Variants in HSD17B14 observed in about 807,000 individuals in gnomAD.
HSD17B14 encodes the protein hydroxysteroid 17-beta dehydrogenase 14.
In HSD17B14, 32 loss-of-function variants were observed where a neutral mutation model predicts 32.2. The ratio of observed to expected loss-of-function variants is 0.99; its 90% CI spans 0.75 to 1.33. The LOEUF (loss-of-function observed/expected upper bound fraction) is 1.33, where lower values mean the gene tolerates loss of function less well. Among genes scored for constraint, HSD17B14 ranks in the 40% most tolerant of loss-of-function variants. The pLI is 0.00. For synonymous variants in HSD17B14, 140 were observed against 155.4 expected, an observed-to-expected ratio of 0.90 and a Z score of 0.74; for missense variants, 370 against 366.5, an observed-to-expected ratio of 1.01 and a Z score of -0.08.
At chr19:48,833,999 C>G (rs1046895686) in intron 3 of HSD17B14, among the ~76,000 whole-genome samples, 3 of 152,084 alleles carry the variant, frequency 2.0e-5, no homozygotes, top group Non-Finnish European at 4.4e-5. Flanking sequence ...ACAGAAAAAT[C>G]AGTTCCAGTT....
intron 5 of HSD17B14, among the ~76,000 whole-genome samples, chr19:48,829,465 C>T (rs1207786598): frequency 6.6e-6 from 1 of 151,872 alleles, no homozygotes; most frequent in Non-Finnish European, 1.5e-5. Flanking sequence ...AATTCTACCG[C>T]CTCAGCCTCT....
At chr19:48,826,542 T>TATATATACACACACACACACACAC in intron 5 of HSD17B14, among the ~76,000 whole-genome samples, 2 of 80,110 alleles carry the variant, frequency 2.5e-5, no homozygotes, top group African/African-American at 1.0e-4. Context: ...TATATATATA[T>TATATATACACACACACACACACAC]ACACACACAC....
At chr19:48,827,859 CTTTTTTTTTTTTT>C (rs1886162935) in intron 5 of HSD17B14, among the ~76,000 whole-genome samples, 5 of 128,462 alleles carry the variant, frequency 3.9e-5, no homozygotes, top group Admixed American at 7.9e-5. Flanking sequence ...TTTTTTTTTT[CTTTTTTTTTTTTT>C]GAGACGGAGT....
rs772756529 is a variant in HSD17B14 at position 48,831,761 on chromosome 19, T to TA, written c.278-3dup. The TA allele has an allele frequency of 5.7e-6, 9 of 1,581,880 alleles. No homozygotes were observed. The highest frequency in any genetic ancestry group is 6.1e-6 in the Non-Finnish European group (7 of 1,155,270). ...CCTCAGGCCTCTGTGGGGGTGGGTC[T>TA]AAAGTGGGGGGTGAGAGAGAGAGGA... On this transcript the variant is annotated splice_polypyrimidine_tract_variant and splice_region_variant and intron_variant, in intron 4 of 8. Transcript: ENST00000263278.
intron 5 of HSD17B14, among the ~76,000 whole-genome samples, chr19:48,827,848 CTTTTTTTTTT>C (rs1568522517): frequency 1.5e-5 from 2 of 132,886 alleles, no homozygotes; most frequent in African/African-American, 6.1e-5. Flanking sequence ...CTTCTCCTTC[CTTTTTTTTTT>C]CTTTTTTTTT....
At chr19:48,822,329 ATGGTGATGATGG>A (rs143622871) in intron 5 of HSD17B14, among the ~76,000 whole-genome samples, 44,310 of 142,188 alleles carry the variant, frequency 0.31, 6,553 homozygotes, top group East Asian at 0.38. Flanking sequence ...AATGATGGTG[ATGGTGATGATGG>A]TGGTGATGAT....
At position 48,825,295 on chromosome 19, in the gene HSD17B14, C is replaced by T. The variant is rs192363338; in HGVS notation, c.369+6373G>A. ...GGTGGTGGTGGGGGGCAGGAGTCAA[C>T]GGGTAGAGCAAGTTATTCTTGCTTT... On this transcript the variant is annotated intron_variant, in intron 5 of 8. Transcript: ENST00000263278. Among the ~76,000 whole-genome samples, 11 of 148,784 alleles carry T rather than the reference C, an allele frequency of 7.4e-5. No individual in the cohort carries two copies. In the East Asian group the frequency reaches 1.4e-3, roughly 19 times the overall value.
At chr19:48,834,476 GGGAGGAGGGGCTGAGGT>G in intron 2 of HSD17B14, 118 bp from the exon 3 acceptor site, 1 of 529,636 alleles carries the variant, frequency 1.9e-6, no homozygotes, top group Non-Finnish European at 3.1e-6. Context: ...CTGGGTCTGA[GGGAGGAGGGGCTGAGGT>G]CTGGACTCCT....
rs1344554639 is a variant in HSD17B14, at chr19:48,835,913, C to A, written c.89-70G>T. On this transcript the variant is annotated intron_variant, in intron 1 of 8. Transcript: ENST00000263278. ...AGCCTCTGCCGCCCTCTTGTGGCCA[C>A]CTGGATTGGGGCTGATCTCCCTCTC... 4 of 1,448,806 alleles carry A rather than the reference C, an allele frequency of 2.8e-6. No homozygotes were observed. The African/African-American group carries it at 5.6e-5, about 20-fold the overall frequency. 89.7% of individuals were successfully genotyped at this position (1,448,806 alleles called of 1,614,324 possible).
chr19:48,817,270 C>G (rs911615919), intron 5 of HSD17B14, among the ~76,000 whole-genome samples: 1 of 151,938 alleles, frequency 6.6e-6, no homozygotes, highest in Non-Finnish European at 1.5e-5. Context: ...CTCCTCCCCC[C>G]AGGTTCAAGC....
At chr19:48,835,397 A>G (rs111837855) in intron 2 of HSD17B14, among the ~76,000 whole-genome samples, 2,237 of 35,908 alleles carry the variant, frequency 0.062, 1 homozygote, top group Middle Eastern at 0.075. Context: ...TGGGTCTGAG[A>G]AAGTAGGGCC....
intron 6 of HSD17B14, among the ~76,000 whole-genome samples, 165 bp from the exon 7 acceptor site, chr19:48,813,895 T>C (rs935173049): frequency 6.6e-6 from 1 of 152,150 alleles, no homozygotes; most frequent in African/African-American, 2.4e-5. Context: ...AAACTTGGCA[T>C]AGAAATCTGT....
rs753201247 is a variant in HSD17B14 at position 48,831,769 on chromosome 19, G to C, written c.278-10C>G. The C allele has an allele frequency of 6.4e-7, 1 of 1,565,944 alleles. No individual in the cohort carries two copies. The highest frequency in any genetic ancestry group is 8.8e-7 in the Non-Finnish European group (1 of 1,137,936). ...CTCTGTGGGGGTGGGTCTAAAGTGG[G>C]GGGTGAGAGAGAGAGGAAAAGTGAC... On this transcript the variant is annotated splice_polypyrimidine_tract_variant and intron_variant, in intron 4 of 8. Transcript: ENST00000263278.
At chr19:48,828,435 T>C (rs1452522256) in intron 5 of HSD17B14, among the ~76,000 whole-genome samples, 5 of 151,730 alleles carry the variant, frequency 3.3e-5, no homozygotes, top group Non-Finnish European at 1.5e-5. Context: ...CTGAGCAGCA[T>C]AGAAAGACCC....
At chr19:48,816,795 C>CTTTCTTTCTTTCTTTCTTTCTT (rs2035060421) in intron 5 of HSD17B14, among the ~76,000 whole-genome samples, 2 of 107,270 alleles carry the variant, frequency 1.9e-5, no homozygotes, top group Non-Finnish European at 3.7e-5. Context: ...TTCTTTCTTT[C>CTTTCTTTCTTTCTTTCTTTCTT]TTTCTTTCTT....
At chr19:48,823,251 A>C (rs1283127167) in intron 5 of HSD17B14, among the ~76,000 whole-genome samples, 1 of 152,058 alleles carries the variant, frequency 6.6e-6, no homozygotes, top group Admixed American at 6.6e-5. Flanking sequence ...CTCTACAAAA[A>C]AATAAAAGAT....
intron 3 of HSD17B14, 122 bp from the exon 4 acceptor site, chr19:48,832,854 A>G (rs966998322): frequency 7.6e-6 from 6 of 790,362 alleles, no homozygotes; most frequent in African/African-American, 6.9e-5. Context: ...CCTGCGTTCA[A>G]GCAACTCTCC....
chr19:48,833,501 G>A (rs907810272), intron 3 of HSD17B14, among the ~76,000 whole-genome samples: 2 of 152,004 alleles, frequency 1.3e-5, no homozygotes, highest in Non-Finnish European at 2.9e-5. Flanking sequence ...AGACCAGCCT[G>A]GCCAACATGG....
intron 2 of HSD17B14, 59 bp from the exon 3 acceptor site, chr19:48,834,417 G>GCCA (rs1568525896): frequency 9.5e-7 from 1 of 1,056,682 alleles, no homozygotes. Context: ...GAGGGGTTGG[G>GCCA]GACTTGGACT....
Sources: gnomAD v4.1 joint callset for allele counts (sites outside exome capture counted in the v4.1 genomes callset) on GRCh38, gnomAD v4.1.1 for gene constraint, MANE v1.5 for transcripts, NCBI Gene and HGNC (gene_info 2026-07-23, HGNC 2026-07-21) for gene names.